The following PLXDC2 variants were observed in gnomAD, a reference collection of about 807,000 sequenced individuals.
PLXDC2 encodes plexin domain containing 2.
PLXDC2 carries 40 observed loss-of-function variants against 68.9 expected under a neutral mutation model. The ratio of observed to expected loss-of-function variants is 0.58; its 90% CI spans 0.45 to 0.76. PLXDC2 has a LOEUF of 0.76. Ranked by LOEUF, PLXDC2 falls within the 30% of genes least tolerant of loss-of-function variation. The probability of loss-of-function intolerance (pLI) is 0.00; values close to 1 mark genes in which losing one functional copy is unlikely to be tolerated. For missense variants in PLXDC2, 644 were observed against 661.9 expected (o/e 0.97, Z 0.30); for synonymous variants, 243 against 234.2 (o/e 1.04, Z -0.34).
intron 2 of PLXDC2, among the ~76,000 whole-genome samples, chr10:20,019,920 T>A (rs996921517): frequency 9.9e-5 from 15 of 152,120 alleles, no homozygotes; most frequent in African/African-American, 3.1e-4. Flanking sequence ...TCATGAAACT[T>A]CCATCCGTTG....
intron 1 of PLXDC2, among the ~76,000 whole-genome samples, chr10:19,901,840 T>A (rs1338435138): frequency 6.6e-6 from 1 of 152,154 alleles, no homozygotes; most frequent in Non-Finnish European, 1.5e-5. Context: ...CCACGTTGAG[T>A]TGATTTTTGT....
chr10:19,877,763 T>G (rs1837659683), intron 1 of PLXDC2, among the ~76,000 whole-genome samples: 1 of 152,266 alleles, frequency 6.6e-6, no homozygotes, highest in Non-Finnish European at 1.5e-5. Flanking sequence ...ATTGAGCCAC[T>G]ATTCGGGGCC....
intron 13 of PLXDC2, among the ~76,000 whole-genome samples, chr10:20,264,274 T>C (rs1835844075): frequency 6.6e-6 from 1 of 152,060 alleles, no homozygotes; most frequent in Non-Finnish European, 1.5e-5. Context: ...TAAGAACTTA[T>C]GAACACAGAG....
intron 9 of PLXDC2, among the ~76,000 whole-genome samples, chr10:20,209,057 G>A (rs1469937902): frequency 6.6e-6 from 1 of 152,088 alleles, no homozygotes; most frequent in African/African-American, 2.4e-5. Flanking sequence ...CACAGGACGG[G>A]GGCGAAATTA....
At chr10:20,204,659 A>C (rs1834966449) in intron 9 of PLXDC2, among the ~76,000 whole-genome samples, 1 of 152,306 alleles carries the variant, frequency 6.6e-6, no homozygotes, top group South Asian at 2.1e-4. Flanking sequence ...AGTTAAGCAA[A>C]CTACAGTAAA....
intron 1 of PLXDC2, among the ~76,000 whole-genome samples, chr10:19,842,767 G>A (rs888334434): frequency 5.9e-5 from 9 of 152,090 alleles, no homozygotes; most frequent in African/African-American, 1.2e-4. Flanking sequence ...ACTTTTCCTC[G>A]TATATGGGTT....
intron 6 of PLXDC2, among the ~76,000 whole-genome samples, chr10:20,162,169 AAAAGAAGG>A (rs151315235): frequency 0.015 from 2,241 of 151,588 alleles, 63 homozygotes; most frequent in African/African-American, 0.051. Context: ...GAAGGAAGAG[AAAAGAAGG>A]AAAGAAGGAA....
intron 4 of PLXDC2, among the ~76,000 whole-genome samples, chr10:20,076,940 T>C (rs572819701): frequency 3.0e-4 from 45 of 152,290 alleles, no homozygotes; most frequent in Non-Finnish European, 5.6e-4. Context: ...TAACACACGA[T>C]AGAATCTCGA....
At chr10:20,233,817 T>G (rs770796300) in intron 12 of PLXDC2, among the ~76,000 whole-genome samples, 6 of 151,966 alleles carry the variant, frequency 3.9e-5, no homozygotes, top group Non-Finnish European at 8.8e-5. Context: ...ATAGAGTTAT[T>G]TTTATTTATT....
At chr10:19,870,128 T>C (rs942276650) in intron 1 of PLXDC2, among the ~76,000 whole-genome samples, 2 of 152,190 alleles carry the variant, frequency 1.3e-5, no homozygotes, top group African/African-American at 4.8e-5. Flanking sequence ...GGGAACAAAC[T>C]TGGGGTCTTA....
chr10:19,956,762 T>A (rs1323129293), intron 1 of PLXDC2, among the ~76,000 whole-genome samples: 1 of 152,258 alleles, frequency 6.6e-6, no homozygotes, highest in Non-Finnish European at 1.5e-5. Context: ...TATATGCATG[T>A]CTTACATACT....
In PLXDC2 at chr10:19,890,474, T is replaced by A. The variant is rs1837935301; in HGVS notation, c.112+73283T>A. Among the ~76,000 whole-genome samples, 2 of 151,538 alleles carry A rather than the reference T, an allele frequency of 1.3e-5. 1 individual carries two copies. The highest frequency in any genetic ancestry group is 4.2e-4 in the South Asian group (2 of 4,808). ...TTTCCATGAGTTCCTGATGTTTAGC[T>A]CCTATTTATAAGTGATAATATGCAG... is the stretch of plus-strand genomic sequence containing the variant. On this transcript the variant is annotated intron_variant, in intron 1 of 13. Transcript: ENST00000377252.
At chr10:19,900,598 T>C (rs1838142021) in intron 1 of PLXDC2, among the ~76,000 whole-genome samples, 1 of 151,992 alleles carries the variant, frequency 6.6e-6, no homozygotes, top group African/African-American at 2.4e-5. Flanking sequence ...TCAGGTTTCT[T>C]TTTTATTTAT....
chr10:19,981,537 T>C (rs1325632626), intron 1 of PLXDC2, among the ~76,000 whole-genome samples: 2 of 152,190 alleles, frequency 1.3e-5, no homozygotes, highest in African/African-American at 2.4e-5. Context: ...GAAGGAGATC[T>C]CTGGGACTCA....
intron 1 of PLXDC2, among the ~76,000 whole-genome samples, chr10:19,945,721 G>A (rs953148373): frequency 1.3e-5 from 2 of 152,162 alleles, no homozygotes; most frequent in African/African-American, 4.8e-5. Context: ...CATATGCTTA[G>A]AGTCAGTTCA....
rs539676433 is a variant in PLXDC2 at position 20,156,222 on chromosome 10, G to A, written c.784-8246G>A. On this transcript the variant is annotated intron_variant, in intron 6 of 13. Transcript: ENST00000377252. ...AGTCCAATGGCACAAGCTTCTTCAAGTGGGCACCCTGCGTCACTGTCTTTT... is the reference window on the plus strand; with the variant it reads ...AGTCCAATGGCACAAGCTTCTTCAAATGGGCACCCTGCGTCACTGTCTTTT... 3.9e-5 allele frequency among the ~76,000 whole-genome samples: 6 copies of A among 152,228 alleles called. 1 individual carries two copies. In the South Asian group the frequency reaches 1.0e-3, roughly 26 times the overall value.
chr10:20,185,098 T>A (rs1297172873), intron 9 of PLXDC2, among the ~76,000 whole-genome samples: 1 of 123,752 alleles, frequency 8.1e-6, no homozygotes, highest in African/African-American at 3.2e-5. Flanking sequence ...CAAACCACCA[T>A]AGCACATGTA....
intron 1 of PLXDC2, among the ~76,000 whole-genome samples, chr10:19,969,738 T>C (rs2131610562): frequency 6.6e-6 from 1 of 152,344 alleles, no homozygotes; most frequent in East Asian, 1.9e-4. Context: ...CTCAGTAATT[T>C]GTCAGAAAAG....
intron 4 of PLXDC2, among the ~76,000 whole-genome samples, chr10:20,138,577 C>A (rs894570416): frequency 6.6e-6 from 1 of 152,170 alleles, no homozygotes; most frequent in Middle Eastern, 3.2e-3. Flanking sequence ...ACACTAATTG[C>A]ACCATTATTC....
Sources: allele counts gnomAD v4.1 joint callset (sites outside exome capture counted in the v4.1 genomes callset), GRCh38; gene constraint gnomAD v4.1.1; transcripts MANE v1.5; gene names NCBI Gene and HGNC (gene_info 2026-07-23, HGNC 2026-07-21).